The following IQCH variants were observed in gnomAD, a reference collection of about 807,000 sequenced individuals.
The protein encoded by IQCH is IQ motif containing H.
A neutral mutation model predicts 117.0 loss-of-function variants in IQCH; 98 were observed. That is an observed-to-expected ratio of 0.84 (90% CI 0.71 to 0.99). The LOEUF (loss-of-function observed/expected upper bound fraction) is 0.99, where lower values mean the gene tolerates loss of function less well. Among genes scored for constraint, IQCH ranks in the 50% least tolerant of loss-of-function variants. The pLI is 0.00. For synonymous variants in IQCH, 412 were observed against 448.2 expected (o/e 0.92, Z 1.02); for missense variants, 1,102 against 1,243.8 (o/e 0.89, Z 1.72).
At chr15:67,440,434 A>G (rs11853161) in intron 16 of IQCH, among the ~76,000 whole-genome samples, 152,253 of 152,274 alleles carry the variant, frequency 1, 76,116 homozygotes, top group Middle Eastern at 1. Flanking sequence ...ACTACAAACC[A>G]ATATCCTTGA....
At chr15:67,423,150 G>GGAAAAGA (rs2081792397) in intron 16 of IQCH, among the ~76,000 whole-genome samples, 1 of 152,202 alleles carries the variant, frequency 6.6e-6, no homozygotes, top group African/African-American at 2.4e-5. Flanking sequence ...CAAACTGAAG[G>GGAAAAGA]TCATTCAGAA....
intron 4 of IQCH, among the ~76,000 whole-genome samples, chr15:67,308,637 G>C (rs1967429229): frequency 6.6e-6 from 1 of 152,052 alleles, no homozygotes; most frequent in African/African-American, 2.4e-5. Context: ...TGTCCTTCCT[G>C]ATTCACAGCC....
Position 67,306,739 on chromosome 15 carries a change from C to T in IQCH, c.387+27227C>T. 12 of 893,464 alleles carry T rather than the reference C, an allele frequency of 1.3e-5. No individual in the cohort carries two copies. In the Middle Eastern group the frequency reaches 2.6e-3, roughly 191 times the overall value. The allele number at this position is 893,464 out of a possible 1,614,324, so 55.3% of individuals were successfully genotyped here. A position where few individuals can be genotyped will look rare whatever the true frequency, so the allele number is the denominator to read the frequency against. On this transcript the variant is annotated intron_variant, in intron 4 of 20. Transcript: ENST00000335894. ...TTATGTAAAATCAATTTACCAAAAA[C>T]ATATTAAAAGTGAGACTCACTGGTG...
intron 4 of IQCH, among the ~76,000 whole-genome samples, chr15:67,331,125 A>G (rs1349285057): frequency 6.6e-6 from 1 of 152,214 alleles, no homozygotes; most frequent in East Asian, 1.9e-4. Flanking sequence ...TGGTCACTAT[A>G]TGGATTTCCT....
rs1398044542 is a variant in IQCH at position 67,447,203 on chromosome 15, T to C, written c.2506-17924T>C. Among the ~76,000 whole-genome samples the C allele has an allele frequency of 2.0e-5, 3 of 152,224 alleles. No individual in the cohort carries two copies. The highest frequency in any genetic ancestry group is 1.9e-4 in the East Asian group (1 of 5,202). ...CCATAAAGTTGTTCGGAGGATGATA[T>C]GAGCAAATACCACAGTGCCTTGCAC... On this transcript the variant is annotated intron_variant, in intron 16 of 20. Transcript: ENST00000335894. The surrounding 1 kb of genome is among the most constrained non-coding windows in gnomAD (Gnocchi z 5.3).
rs1202642013 is a variant in IQCH at position 67,421,392 on chromosome 15, G to A, written c.2320G>A (p.Asp774Asn). The change falls in exon 16 of 21, where the codon GAC becomes AAC. Residue 774 changes from aspartate (D) to asparagine (N), a missense_variant. Physicochemically the swap from Asp to Asn is conservative, Grantham distance 23 (BLOSUM62 1). Around this residue, in one of 2 missense-constraint regions of IQCH, gnomAD observed 650 missense variants for 794.3 expected, o/e 0.82. Transcript: ENST00000335894. Reference sequence around the variant, plus strand: ...GAAAATCAGCGTGCTGTCGACAGGGGACCAGCTTCATGCTGAAAGCCCCTT... The same window carrying A: ...GAAAATCAGCGTGCTGTCGACAGGGAACCAGCTTCATGCTGAAAGCCCCTT... Reference protein sequence around the residue: ...NGKISVLSTGDQLHAESPFIS... With the variant: ...NGKISVLSTGNQLHAESPFIS... 3 of 1,614,168 alleles carry A rather than the reference G, an allele frequency of 1.9e-6. No individual in the cohort carries two copies. Among genetic ancestry groups the A allele is most frequent in the Admixed American group, 3.3e-5 (2 of 60,028 alleles).
chr15:67,256,216 A>G (rs1965186750), intron 1 of IQCH, among the ~76,000 whole-genome samples: 1 of 152,212 alleles, frequency 6.6e-6, no homozygotes, highest in Admixed American at 6.5e-5. Flanking sequence ...GGGTACAAAC[A>G]TAGAGCTTTT....
chr15:67,338,205 G>GTCTATCTATCTATCTA (rs10528833), intron 5 of IQCH, among the ~76,000 whole-genome samples: 69 of 105,634 alleles, frequency 6.5e-4, no homozygotes, highest in South Asian at 1.7e-3. Flanking sequence ...ATATCTGTCT[G>GTCTATCTATCTATCTA]TCTATCTATC....
intron 10 of IQCH, 118 bp downstream of exon 10, chr15:67,373,551 T>C (rs1230357538): frequency 1.1e-5 from 8 of 752,692 alleles, no homozygotes; most frequent in East Asian, 2.6e-5. Flanking sequence ...GGCAGGAAAA[T>C]GTTCTCGACA....
intron 16 of IQCH, among the ~76,000 whole-genome samples, chr15:67,441,162 A>G (rs1319293628): frequency 7.1e-6 from 1 of 140,352 alleles, no homozygotes; most frequent in Non-Finnish European, 1.5e-5. Flanking sequence ...AAGAGTACTT[A>G]GGAATATACC....
intron 3 of IQCH, among the ~76,000 whole-genome samples, chr15:67,275,851 G>C (rs1327650538): frequency 2.0e-5 from 3 of 152,228 alleles, no homozygotes; most frequent in Non-Finnish European, 4.4e-5. Flanking sequence ...CTGCACTCCA[G>C]CCTGAGTGAC....
chr15:67,421,290 G>C lies in IQCH; in HGVS notation c.2219-1G>C. 2.5e-6 allele frequency: 4 copies of C among 1,612,340 alleles called. No individual in the cohort carries two copies. The highest frequency in any genetic ancestry group is 3.4e-6 in the Non-Finnish European group (4 of 1,178,836). On this transcript the variant is annotated splice_acceptor_variant, in intron 15 of 20. Transcript: ENST00000335894. LOFTEE classifies it high-confidence loss of function. ...CACCTACTCCATGTTTTTCCCACCA[G>C]GGGGTGTGATCGAAGCATTCCCACC...
intron 4 of IQCH, among the ~76,000 whole-genome samples, chr15:67,336,415 G>T (rs955948968): frequency 6.6e-6 from 1 of 152,180 alleles, no homozygotes; most frequent in East Asian, 1.9e-4. Flanking sequence ...TTCATATTTT[G>T]TAACTGTAAT....
At chr15:67,470,997 T>A (rs564873798) in intron 17 of IQCH, among the ~76,000 whole-genome samples, 1 of 152,328 alleles carries the variant, frequency 6.6e-6, no homozygotes, top group East Asian at 1.9e-4. Flanking sequence ...TCATTAAAAA[T>A]GTTCTCATTT....
rs187827345 is a variant in IQCH at position 67,460,219 on chromosome 15, G to A, written c.2506-4908G>A. The stretch of plus-strand genomic sequence containing the variant: ...CATTTCAAGTGCTCAATAGCCACAT[G>A]AGGCTAGTGGCTACCATATTTGATA... On this transcript the variant is annotated intron_variant, in intron 16 of 20. Coordinates refer to ENST00000335894, the MANE Select transcript of IQCH (RefSeq NM_001031715.3). Among the ~76,000 whole-genome samples the A allele has an allele frequency of 3.9e-5, 6 of 152,300 alleles. No individual in the cohort carries two copies. The East Asian group carries it at 1.2e-3, about 29-fold the overall frequency.
In IQCH at chr15:67,382,763, G is replaced by T. The variant is rs1970977671; in HGVS notation, c.1373-2173G>T. On this transcript the variant is annotated intron_variant, in intron 10 of 20. Transcript: ENST00000335894. ...CAGGATTGAGGTTGATAGTCTCTCA[G>T]AACTCCCCCAGTGTTCCTAATTGAT... Among the ~76,000 whole-genome samples, 3 of 152,268 alleles carry T rather than the reference G, an allele frequency of 2.0e-5. No homozygotes were observed. The South Asian group carries it at 6.2e-4, about 32-fold the overall frequency.
At chr15:67,461,621 C>T (rs1185779236) in intron 16 of IQCH, among the ~76,000 whole-genome samples, 1 of 152,228 alleles carries the variant, frequency 6.6e-6, no homozygotes, top group Admixed American at 6.5e-5. Flanking sequence ...GAAAATTTGT[C>T]CTCCTGTTTC....
intron 8 of IQCH, 67 bp from the exon 9 acceptor site, chr15:67,372,044 T>A: frequency 7.5e-7 from 1 of 1,336,384 alleles, no homozygotes; most frequent in Non-Finnish European, 1.0e-6. Context: ...AGTGTGTGTC[T>A]TGACCACTCA....
intron 1 of IQCH, among the ~76,000 whole-genome samples, chr15:67,261,019 C>T (rs1036506602): frequency 2.2e-4 from 33 of 149,662 alleles, no homozygotes; most frequent in African/African-American, 7.9e-4. Flanking sequence ...TCGCTTGAAC[C>T]TGGGAGGCAG....
Sources: allele counts gnomAD v4.1 joint callset (sites outside exome capture counted in the v4.1 genomes callset), GRCh38; gene constraint gnomAD v4.1.1; regional missense constraint gnomAD v4.1.1; non-coding constraint Gnocchi (gnomAD v3.1); transcripts MANE v1.5; gene names NCBI Gene and HGNC (gene_info 2026-07-23, HGNC 2026-07-21).